The following PRELID2 variants were observed in gnomAD, a reference collection of about 807,000 sequenced individuals.
PRELID2 encodes the protein PRELI domain containing 2.
In PRELID2, 25 loss-of-function variants were observed where a neutral mutation model predicts 28.4. The observed-to-expected ratio is 0.88, with a 90% CI of 0.64 to 1.23. The LOEUF is 1.23. Ranked by LOEUF, PRELID2 falls within the 50% of genes most tolerant of loss-of-function variation. The probability of loss-of-function intolerance (pLI) is 0.00; values close to 1 mark genes in which losing one functional copy is unlikely to be tolerated. For synonymous variants in PRELID2, 76 were observed against 71.6 expected (o/e 1.06, Z -0.31); for missense variants, 201 against 214.4 (o/e 0.94, Z 0.39).
intron 1 of PRELID2, among the ~76,000 whole-genome samples, chr5:145,550,951 C>T (rs1294700472): frequency 6.6e-6 from 1 of 152,018 alleles, no homozygotes; most frequent in Non-Finnish European, 1.5e-5. Flanking sequence ...TGGTAAATAC[C>T]ATTGTCGTGA....
chr5:145,475,090 C>T (rs1238098659), intron 1 of PRELID2, among the ~76,000 whole-genome samples: 1 of 152,178 alleles, frequency 6.6e-6, no homozygotes, highest in African/African-American at 2.4e-5. Flanking sequence ...TGATAAGACA[C>T]ATGAGGACAG....
intron 5 of PRELID2, among the ~76,000 whole-genome samples, chr5:145,778,714 C>A (rs1758577610): frequency 6.6e-6 from 1 of 152,162 alleles, no homozygotes; most frequent in Non-Finnish European, 1.5e-5. Context: ...TGCTCACACA[C>A]CCCTCGCTGC....
chr5:145,362,492 G>A, the PRELID2 span, among the ~76,000 whole-genome samples: 421 of 152,194 alleles, frequency 2.8e-3, 3 homozygotes, highest in Non-Finnish European at 4.5e-3. Flanking sequence ...CTTAAAGCAA[G>A]TTTCTAATTT....
intron 5 of PRELID2, among the ~76,000 whole-genome samples, chr5:145,774,697 T>C (rs1758307990): frequency 6.6e-6 from 1 of 152,206 alleles, no homozygotes; most frequent in African/African-American, 2.4e-5. Flanking sequence ...CTAACACTTC[T>C]GTTTCACACT....
chr5:145,764,672 A>G (rs1485720581), intron 6 of PRELID2, among the ~76,000 whole-genome samples: 1 of 152,220 alleles, frequency 6.6e-6, no homozygotes, highest in Non-Finnish European at 1.5e-5. Context: ...GAGGCTCTCA[A>G]TCATGGTAGA....
the PRELID2 span, among the ~76,000 whole-genome samples, chr5:145,375,289 T>G: frequency 2.6e-5 from 4 of 152,112 alleles, no homozygotes; most frequent in Non-Finnish European, 5.9e-5. Context: ...ATCTGGTTTG[T>G]ACCTGCATCT....
chr5:145,713,416 T>TTA (rs933590756), intron 1 of PRELID2, among the ~76,000 whole-genome samples: 1 of 142,170 alleles, frequency 7.0e-6, no homozygotes, highest in African/African-American at 2.6e-5. Context: ...TATATATACT[T>TTA]TATATATATC....
chr5:145,318,631 G>T, the PRELID2 span, among the ~76,000 whole-genome samples: 1 of 152,186 alleles, frequency 6.6e-6, no homozygotes, highest in Non-Finnish European at 1.5e-5. Flanking sequence ...CCTTACAGGA[G>T]GGGGAGCATG....
the PRELID2 span, among the ~76,000 whole-genome samples, chr5:145,359,350 C>A: frequency 8.5e-5 from 13 of 152,146 alleles, no homozygotes; most frequent in African/African-American, 2.2e-4. Flanking sequence ...AAGACTGAAC[C>A]ACAGCCATCC....
In PRELID2 at chr5:145,796,384, A is replaced by G. The variant is rs1390666714; in HGVS notation, c.474+58T>C. The G allele has an allele frequency of 5.4e-6, 6 of 1,116,270 alleles. No individual in the cohort carries two copies. In the African/African-American group the frequency reaches 6.2e-5, roughly 12 times the overall value. 69.1% of individuals were successfully genotyped at this position (1,116,270 alleles called of 1,614,324 possible). On this transcript the variant is annotated intron_variant, in intron 5 of 6. Coordinates refer to ENST00000683046, the MANE Select transcript of PRELID2 (RefSeq NM_205846.3). ...CTCATGAGTCTTATTCAATAACCCT[A>G]TTGGAACTCCTATTGTTTTTTAAAA...
chr5:145,318,830 G>T, the PRELID2 span, among the ~76,000 whole-genome samples: 1 of 152,220 alleles, frequency 6.6e-6, no homozygotes, highest in Non-Finnish European at 1.5e-5. Context: ...GTTCCTGTCT[G>T]GCATCCAGGG....
chr5:145,460,324 A>T, the PRELID2 span, among the ~76,000 whole-genome samples: 1 of 152,202 alleles, frequency 6.6e-6, no homozygotes, highest in Non-Finnish European at 1.5e-5. Context: ...GATTGTTTTT[A>T]GTTGCTATAG....
chr5:145,705,700 T>C (rs975871943), intron 1 of PRELID2, among the ~76,000 whole-genome samples: 2 of 152,192 alleles, frequency 1.3e-5, no homozygotes, highest in African/African-American at 4.8e-5. Context: ...CTGTCACAAC[T>C]AATCCATTTT....
chr5:145,497,753 T>C (rs1752321370), intron 1 of PRELID2, among the ~76,000 whole-genome samples: 1 of 152,214 alleles, frequency 6.6e-6, no homozygotes, highest in Non-Finnish European at 1.5e-5. Context: ...TGAGGTTTAT[T>C]TACCTGCAGA....
At chr5:145,696,271 G>T (rs1253216771) in intron 1 of PRELID2, among the ~76,000 whole-genome samples, 1 of 148,954 alleles carries the variant, frequency 6.7e-6, no homozygotes, top group African/African-American at 2.5e-5. Flanking sequence ...CTTTAAGAGG[G>T]CTCCTGAGAC....
intron 1 of PRELID2, among the ~76,000 whole-genome samples, chr5:145,659,546 G>A (rs925450632): frequency 6.6e-6 from 1 of 152,216 alleles, no homozygotes; most frequent in Non-Finnish European, 1.5e-5. Flanking sequence ...GCTGGTAGGA[G>A]TCAAGAAGTA....
chr5:145,285,459 C>G, the PRELID2 span, among the ~76,000 whole-genome samples: 2 of 152,138 alleles, frequency 1.3e-5, no homozygotes, highest in Admixed American at 6.6e-5. Flanking sequence ...TTTGCATTAT[C>G]TGGGTCAAAA....
At chr5:145,741,008 T>A (rs1756699389) in intron 1 of PRELID2, among the ~76,000 whole-genome samples, 1 of 116,180 alleles carries the variant, frequency 8.6e-6, no homozygotes, top group Non-Finnish European at 1.6e-5. Flanking sequence ...TATTATATAT[T>A]TGTATACAAA....
chr5:145,612,499 G>A (rs1056419453), intron 1 of PRELID2, among the ~76,000 whole-genome samples: 1 of 152,014 alleles, frequency 6.6e-6, no homozygotes, highest in Non-Finnish European at 1.5e-5. Context: ...GGTACAGGTG[G>A]TGTTTGGTTA....
Sources: allele counts gnomAD v4.1 joint callset (sites outside exome capture counted in the v4.1 genomes callset), GRCh38; gene constraint gnomAD v4.1.1; transcripts MANE v1.5; gene names NCBI Gene and HGNC (gene_info 2026-07-23, HGNC 2026-07-21).